Variants in CACNA1B observed in about 807,000 individuals in gnomAD.
CACNA1B encodes calcium voltage-gated channel subunit alpha1 B.
CACNA1B carries 70 observed loss-of-function variants against 247.2 expected under a neutral mutation model. The observed-to-expected ratio is 0.28, with a 90% CI of 0.23 to 0.35. The LOEUF is 0.35. CACNA1B is among the 10% of genes least tolerant of loss of function. CACNA1B has a pLI of 1.00. For missense variants in CACNA1B, 2,367 were observed against 3,197.4 expected (o/e 0.74, Z 6.26); for synonymous variants, 1,231 against 1,294.4 (o/e 0.95, Z 1.05).
At position 137,952,279 on chromosome 9, in the gene CACNA1B, C is replaced by T. The variant is rs763956032; in HGVS notation, c.972C>T (p.Asn324=). 7.4e-6 allele frequency: 12 copies of T among 1,613,398 alleles called. No individual in the cohort carries two copies. Among genetic ancestry groups the T allele is most frequent in the South Asian group, 3.3e-5 (3 of 91,066 alleles). Residue 324 remains asparagine (N), a synonymous_variant, in exon 7 of 47, where the codon AAC becomes AAT. Coordinates refer to ENST00000371372, the MANE Select transcript of CACNA1B (RefSeq NM_000718.4). This position sits in a 1 kb window ranked among gnomAD's most constrained non-coding sequence, Gnocchi z 4.8. ...CTCCCTCTCCTTGCTTCCAGACAAA[C>T]GATGCGGCCGGCAACACCTGGAACT... The part of the protein sequence containing the change: ...EGWTDILYNT[N]DAAGNTWNWL...
intron 31 of CACNA1B, among the ~76,000 whole-genome samples, chr9:138,066,396 A>G (rs1270308474): frequency 1.3e-5 from 2 of 152,162 alleles, no homozygotes; most frequent in South Asian, 2.1e-4. Context: ...GCAGTGAGTT[A>G]TGATTGTACC....
Position 137,914,895 on chromosome 9 carries a change from C to T in CACNA1B, c.775+89C>T. The T allele has an allele frequency of 1.4e-6, 2 of 1,419,938 alleles. No individual in the cohort carries two copies. Among genetic ancestry groups the T allele is most frequent in the Non-Finnish European group, 1.9e-6 (2 of 1,053,304 alleles). The allele number at this position is 1,419,938 out of a possible 1,614,324, so 88.0% of individuals were successfully genotyped here. ...GCACTGTTCTAGGTGCTAGAGGGGCCTTCTTGGTGCCAGATACATGAGGTG... is the reference window on the plus strand; with the variant it reads ...GCACTGTTCTAGGTGCTAGAGGGGCTTTCTTGGTGCCAGATACATGAGGTG... On this transcript the variant is annotated intron_variant, in intron 5 of 46. Coordinates refer to ENST00000371372, the MANE Select transcript of CACNA1B (RefSeq NM_000718.4). This position sits in a 1 kb window ranked among gnomAD's most constrained non-coding sequence, Gnocchi z 4.3.
chr9:138,022,607 T>G (rs1287104800), intron 18 of CACNA1B, among the ~76,000 whole-genome samples: 1 of 152,126 alleles, frequency 6.6e-6, no homozygotes, highest in Non-Finnish European at 1.5e-5. Flanking sequence ...AGGGCCTCCC[T>G]GGCTCCTGCC....
chr9:137,905,819 G>C (rs1183524200), intron 3 of CACNA1B, among the ~76,000 whole-genome samples: 1 of 152,248 alleles, frequency 6.6e-6, no homozygotes, highest in Non-Finnish European at 1.5e-5. Flanking sequence ...GGTTAAATAT[G>C]CTGGTTCGCT....
rs1547503 is a variant in CACNA1B, at chr9:138,047,661, C to T, written c.3603+203C>T. ...CGTTCACTGAGAAAATTACTTCCCG[C>T]GCTGGGAGTGCTCCCCAGTGTCGTG... On this transcript the variant is annotated intron_variant, in intron 23 of 46. Coordinates refer to ENST00000371372, the MANE Select transcript of CACNA1B (RefSeq NM_000718.4). Among the ~76,000 whole-genome samples, 22,447 of 152,224 alleles carry T rather than the reference C, an allele frequency of 0.15. 2,113 individuals carry two copies. The highest frequency in any genetic ancestry group is 0.45 in the East Asian group (2,324 of 5,164).
At position 138,102,112 on chromosome 9, in the gene CACNA1B, G is replaced by C. The variant is rs1403095518; in HGVS notation, c.5223-599G>C. ...TCGGGCGTCTCTGGGCTTGAAGCAGGACTTGCCCCAAGGTTAGGTTTTGGC... is the reference window on the plus strand; with the variant it reads ...TCGGGCGTCTCTGGGCTTGAAGCAGCACTTGCCCCAAGGTTAGGTTTTGGC... On this transcript the variant is annotated intron_variant, in intron 37 of 46. Transcript: ENST00000371372. This position sits in a 1 kb window ranked among gnomAD's most constrained non-coding sequence, Gnocchi z 5.4. Among the ~76,000 whole-genome samples, 1 of 152,224 alleles carries C rather than the reference G, an allele frequency of 6.6e-6. No individual in the cohort carries two copies. The highest frequency in any genetic ancestry group is 1.5e-5 in the Non-Finnish European group (1 of 68,042).
chr9:138,022,886 C>A, intron 18 of CACNA1B, 125 bp from the exon 19 acceptor site: 1 of 1,266,980 alleles, frequency 7.9e-7, no homozygotes, highest in South Asian at 1.7e-5. Context: ...GGTGTGGGGG[C>A]TCCCGCGGCC....
intron 17 of CACNA1B, 52 bp from the exon 18 acceptor site, chr9:138,013,077 G>A: frequency 7.9e-7 from 1 of 1,273,482 alleles, no homozygotes; most frequent in Non-Finnish European, 1.1e-6. Context: ...GCCAGTGTTA[G>A]AGTGGCTATA....
chr9:138,067,894 C>T (rs1959975904), intron 31 of CACNA1B, among the ~76,000 whole-genome samples: 1 of 152,178 alleles, frequency 6.6e-6, no homozygotes, highest in African/African-American at 2.4e-5. Flanking sequence ...CTGGCACCAG[C>T]GTTCTGCCGA....
In CACNA1B at chr9:137,917,386, G is replaced by A; in HGVS notation, c.921G>A (p.Val307=). Residue 307 remains valine, a synonymous_variant, in exon 6 of 47, where the codon GTG becomes GTA. Coordinates refer to ENST00000371372, the MANE Select transcript of CACNA1B (RefSeq NM_000718.4). The surrounding 1 kb of genome is among the most constrained non-coding windows in gnomAD (Gnocchi z 5.5). ...ATATCCTGTTTGCCATCTTGACGGT[G>A]TTCCAGTGCATCACCATGGAGGGCT... is the stretch of plus-strand genomic sequence containing the variant. ...FDNILFAILT[V]FQCITMEGWT... is the part of the protein sequence containing the mutation. 1 of 1,614,002 alleles carries A rather than the reference G, an allele frequency of 6.2e-7. No homozygotes were observed.
intron 32 of CACNA1B, among the ~76,000 whole-genome samples, chr9:138,071,930 G>A (rs1008631533): frequency 2.0e-5 from 3 of 151,958 alleles, no homozygotes; most frequent in Non-Finnish European, 2.9e-5. Flanking sequence ...TTACATAAGG[G>A]TCTCTTGACA....
Position 137,919,863 on chromosome 9 carries a change from C to A in CACNA1B, c.966+2432C>A, listed in dbSNP as rs1957458077. ...GTGGGGCAGCGTGGGGGCACTCCAG[C>A]TTGAGGAGAAATGGCTTTGTCTGTG... On this transcript the variant is annotated intron_variant, in intron 6 of 46. Coordinates refer to ENST00000371372, the MANE Select transcript of CACNA1B (RefSeq NM_000718.4). The surrounding 1 kb of genome is among the most constrained non-coding windows in gnomAD (Gnocchi z 4.6). Among the ~76,000 whole-genome samples the A allele has an allele frequency of 6.6e-6, 1 of 152,100 alleles. No individual in the cohort carries two copies. Among genetic ancestry groups the A allele is most frequent in the South Asian group, 2.1e-4 (1 of 4,830 alleles).
chr9:137,920,327 G>A (rs569307345), intron 6 of CACNA1B, among the ~76,000 whole-genome samples: 1 of 152,260 alleles, frequency 6.6e-6, no homozygotes, highest in Admixed American at 6.5e-5. Flanking sequence ...CTCCTAAGTA[G>A]CTGGGATTAC....
intron 20 of CACNA1B, among the ~76,000 whole-genome samples, chr9:138,029,974 G>A (rs1472650959): frequency 6.6e-6 from 1 of 152,146 alleles, no homozygotes; most frequent in Non-Finnish European, 1.5e-5. Context: ...TGCTAGGTGT[G>A]TGTTTGTAGA....
At chr9:138,112,594 A>G (rs1961680400) in intron 40 of CACNA1B, 89 bp downstream of exon 40, 9 of 896,766 alleles carry the variant, frequency 1.0e-5, no homozygotes, top group Non-Finnish European at 1.5e-5. Flanking sequence ...AGGGTGAGGG[A>G]TGAAGGGCAG....
intron 39 of CACNA1B, among the ~76,000 whole-genome samples, chr9:138,111,627 T>C (rs559747247): frequency 6.6e-6 from 1 of 152,370 alleles, no homozygotes; most frequent in African/African-American, 2.4e-5. Context: ...TGACTCTCAC[T>C]GCATGTGAAT....
intron 37 of CACNA1B, among the ~76,000 whole-genome samples, chr9:138,099,616 C>T (rs963014760): frequency 3.4e-5 from 5 of 145,562 alleles, no homozygotes; most frequent in African/African-American, 1.3e-4. Flanking sequence ...CTGTGGTGTA[C>T]TCGTGCCTGT....
rs1957080502 is a variant in CACNA1B at position 137,890,337 on chromosome 9, G to A, written c.530+7454G>A. ...TGGATACCGCAGACTTTCCCAGGGG[G>A]ACGGGGGACATGGGTGGGAGATAAG... is the stretch of plus-strand genomic sequence containing the variant. On this transcript the variant is annotated intron_variant, in intron 3 of 46. Coordinates refer to ENST00000371372, the MANE Select transcript of CACNA1B (RefSeq NM_000718.4). The A allele has an allele frequency of 4.0e-5, 6 of 149,306 alleles. No individual in the cohort carries two copies. The South Asian group carries it at 1.3e-3, about 32-fold the overall frequency. The allele number at this position is 149,306 out of a possible 1,614,324, so 9.2% of individuals were successfully genotyped here.
chr9:137,978,303 A>C (rs1186235456), intron 12 of CACNA1B, among the ~76,000 whole-genome samples: 1 of 130,674 alleles, frequency 7.7e-6, no homozygotes, highest in African/African-American at 2.9e-5. Flanking sequence ...CTGCCCCCCC[A>C]GGAAGGAGTG....
Sources: gnomAD v4.1 joint callset for allele counts (sites outside exome capture counted in the v4.1 genomes callset) on GRCh38, gnomAD v4.1.1 for gene constraint, Gnocchi (gnomAD v3.1) non-coding constraint, MANE v1.5 for transcripts, NCBI Gene and HGNC (gene_info 2026-07-23, HGNC 2026-07-21) for gene names.